Variants in TCF12 observed in about 807,000 individuals in gnomAD.
TCF12 encodes transcription factor 12.
Under a neutral mutation model 86.0 loss-of-function variants are expected in TCF12, and 45 were observed. The observed-to-expected ratio is 0.52, with a 90% CI of 0.41 to 0.67. TCF12 has a LOEUF of 0.67. Among genes scored for constraint, TCF12 ranks in the 30% least tolerant of loss-of-function variants. The pLI is 0.00. For synonymous variants in TCF12, 330 were observed against 299.6 expected (o/e 1.10, Z -1.05); for missense variants, 881 against 859.9 (o/e 1.02, Z -0.31).
At chr15:57,043,343 A>AT (rs1216347218) in intron 3 of TCF12, among the ~76,000 whole-genome samples, 1 of 151,942 alleles carries the variant, frequency 6.6e-6, no homozygotes, top group Non-Finnish European at 1.5e-5. Context: ...TCTATTTTTA[A>AT]TTTTTTAAGG....
At chr15:57,087,424 A>AG (rs1467617889) in intron 4 of TCF12, among the ~76,000 whole-genome samples, 40 of 148,168 alleles carry the variant, frequency 2.7e-4, no homozygotes, top group Non-Finnish European at 5.9e-5. Context: ...AAAAAAAAAA[A>AG]AAATTTATAT....
intron 18 of TCF12, among the ~76,000 whole-genome samples, chr15:57,264,939 A>G (rs1479155796): frequency 1.3e-5 from 2 of 152,014 alleles, no homozygotes; most frequent in African/African-American, 4.8e-5. Flanking sequence ...CATGTTGGCC[A>G]GGCTGGTCTC....
intron 16 of TCF12, among the ~76,000 whole-genome samples, chr15:57,257,044 A>G (rs1457863719): frequency 2.6e-5 from 4 of 152,220 alleles, no homozygotes; most frequent in Admixed American, 6.5e-5. Flanking sequence ...AACTCTGACA[A>G]TGTAATGTGA....
At position 57,161,031 on chromosome 15, in the gene TCF12, C is replaced by CA. The variant is rs556605249; in HGVS notation, c.326-5370dup. Among the ~76,000 whole-genome samples, 30 of 152,174 alleles carry CA rather than the reference C, an allele frequency of 2.0e-4. No individual in the cohort carries two copies. In the East Asian group the frequency reaches 5.0e-3, roughly 25 times the overall value. ...CTCATCTCCTAACCTCTTCATCTGT[C>CA]AGTGACTAGCCCATAAATGTTTGAT... is the stretch of plus-strand genomic sequence containing the variant. On this transcript the variant is annotated intron_variant, in intron 5 of 20. Coordinates refer to ENST00000333725, the MANE Select transcript of TCF12 (RefSeq NM_207037.2).
At chr15:56,991,560 C>T (rs2063460414) in intron 3 of TCF12, among the ~76,000 whole-genome samples, 1 of 152,166 alleles carries the variant, frequency 6.6e-6, no homozygotes, top group African/African-American at 2.4e-5. Flanking sequence ...ATGATCTTAT[C>T]AATATGCACT....
chr15:57,286,551 A>T lies in TCF12; in HGVS notation c.*406A>T. Reference sequence around the variant, plus strand: ...AACTGTAAGGTCTACATATAAAGGGAAAAAGTTAATGTGGAAAGCTGATCT... The same window carrying T: ...AACTGTAAGGTCTACATATAAAGGGTAAAAGTTAATGTGGAAAGCTGATCT... On this transcript the variant is annotated 3_prime_UTR_variant, in exon 21 of 21. Transcript: ENST00000333725. 2.3e-6 allele frequency: 1 copy of T among 432,122 alleles called. No individual in the cohort carries two copies. Among genetic ancestry groups the T allele is most frequent in the South Asian group, 1.7e-5 (1 of 60,572 alleles). The allele number at this position is 432,122 out of a possible 1,614,324, so 26.8% of individuals were successfully genotyped here.
intron 4 of TCF12, among the ~76,000 whole-genome samples, chr15:57,089,499 T>C (rs977065875): frequency 3.9e-5 from 6 of 152,004 alleles, no homozygotes; most frequent in African/African-American, 1.4e-4. Context: ...ATCTATAAAG[T>C]TAATAAATTG....
chr15:57,237,196 G>C (rs1431997449), intron 12 of TCF12, among the ~76,000 whole-genome samples: 1 of 151,436 alleles, frequency 6.6e-6, no homozygotes, highest in Non-Finnish European at 1.5e-5. Flanking sequence ...TATTAATCTG[G>C]ATAAATGGTC....
chr15:57,135,644 TA>T (rs1297851562), intron 5 of TCF12, among the ~76,000 whole-genome samples: 1 of 152,202 alleles, frequency 6.6e-6, no homozygotes, highest in Non-Finnish European at 1.5e-5. Flanking sequence ...AAAAGCTTTT[TA>T]AAAAAGTATC....
At chr15:56,934,540 T>C (rs1304128375) in intron 3 of TCF12, among the ~76,000 whole-genome samples, 2 of 152,166 alleles carry the variant, frequency 1.3e-5, no homozygotes, top group African/African-American at 4.8e-5. Context: ...TGGTTCTTCG[T>C]GATTAGGACT....
chr15:57,199,359 A>G (rs1458097577), intron 8 of TCF12, among the ~76,000 whole-genome samples: 1 of 152,186 alleles, frequency 6.6e-6, no homozygotes, highest in Non-Finnish European at 1.5e-5. Context: ...GTAGCAGTGC[A>G]ATTTTCTTGT....
chr15:57,134,618 A>C (rs1378387243), intron 5 of TCF12: 1 of 152,230 alleles, frequency 6.6e-6, no homozygotes, highest in African/African-American at 2.4e-5. Context: ...TTTAGCAATT[A>C]TGAGACAACT....
At chr15:57,236,742 G>A (rs191382615) in intron 12 of TCF12, among the ~76,000 whole-genome samples, 84 of 151,896 alleles carry the variant, frequency 5.5e-4, no homozygotes, top group Middle Eastern at 6.8e-3. Context: ...CTGCATAATT[G>A]TGGTCTTAAT....
chr15:57,044,864 C>G (rs1386483975), intron 3 of TCF12, among the ~76,000 whole-genome samples: 1 of 151,710 alleles, frequency 6.6e-6, no homozygotes, highest in Non-Finnish European at 1.5e-5. Context: ...GGGAGAAAAC[C>G]TCTGTTTTAT....
At chr15:57,197,082 A>G (rs1047117455) in intron 7 of TCF12, among the ~76,000 whole-genome samples, 3 of 150,342 alleles carry the variant, frequency 2.0e-5, no homozygotes, top group African/African-American at 7.3e-5. Context: ...AACATGACCT[A>G]TTACACTAAG....
Position 56,945,308 on chromosome 15 carries a change from G to C in TCF12, c.148+24210G>C, listed in dbSNP as rs550125336. On this transcript the variant is annotated intron_variant, in intron 3 of 20. Coordinates refer to ENST00000333725, the MANE Select transcript of TCF12 (RefSeq NM_207037.2). ...TTTTCTTAATCCGTCTTAAGAGAGA[G>C]TTTATATTAATCCATGTATTTTCAA... Among the ~76,000 whole-genome samples the C allele has an allele frequency of 2.0e-5, 3 of 152,166 alleles. No individual in the cohort carries two copies. In the East Asian group the frequency reaches 5.8e-4, roughly 29 times the overall value.
intron 4 of TCF12, among the ~76,000 whole-genome samples, chr15:57,080,264 C>T (rs1324989698): frequency 5.3e-5 from 8 of 152,184 alleles, no homozygotes; most frequent in African/African-American, 1.9e-4. Context: ...TGAAACCTTT[C>T]TGTTTTTCAA....
At chr15:57,136,714 C>A (rs1386988059) in intron 5 of TCF12, among the ~76,000 whole-genome samples, 1 of 152,142 alleles carries the variant, frequency 6.6e-6, no homozygotes, top group Non-Finnish European at 1.5e-5. Context: ...CTCACTCTGT[C>A]ACCCAGGCTG....
Position 57,232,276 on chromosome 15 carries a change from C to G in TCF12, c.686-15C>G. On this transcript the variant is annotated splice_polypyrimidine_tract_variant and intron_variant, in intron 9 of 20. Transcript: ENST00000333725. ...TTTAGCTAAGGAAAATTTTATATTT[C>G]TCTTTTTGTCTTAGATGGGACCCAC... 6.2e-7 allele frequency: 1 copy of G among 1,612,494 alleles called. No individual in the cohort carries two copies. Among genetic ancestry groups the G allele is most frequent in the Non-Finnish European group, 8.5e-7 (1 of 1,179,424 alleles).
Sources: allele counts gnomAD v4.1 joint callset (sites outside exome capture counted in the v4.1 genomes callset), GRCh38; gene constraint gnomAD v4.1.1; transcripts MANE v1.5; gene names NCBI Gene and HGNC (gene_info 2026-07-23, HGNC 2026-07-21).